Variants in CR1L observed in about 807,000 individuals in gnomAD.
The protein encoded by CR1L is complement C3b/C4b receptor 1 like.
Under a neutral mutation model 62.3 loss-of-function variants are expected in CR1L, and 59 were observed. That is an observed-to-expected ratio of 0.95 (90% CI 0.77 to 1.18). The LOEUF (loss-of-function observed/expected upper bound fraction) is 1.18, where lower values mean the gene tolerates loss of function less well. Among genes scored for constraint, CR1L ranks in the 50% most tolerant of loss-of-function variants. The probability of loss-of-function intolerance (pLI) is 0.00; values close to 1 mark genes in which losing one functional copy is unlikely to be tolerated. For missense variants in CR1L, 700 were observed against 702.8 expected, an observed-to-expected ratio of 1.00 and a Z score of 0.04; for synonymous variants, 279 against 248.7, an observed-to-expected ratio of 1.12 and a Z score of -1.15.
chr1:207,723,488 T>C, intron 11 of CR1L, 130 bp from the exon 12 acceptor site: 1 of 743,456 alleles, frequency 1.3e-6, no homozygotes, highest in Non-Finnish European at 2.1e-6. Flanking sequence ...GTGAAATCAA[T>C]GGCTTTTTAT....
intron 1 of CR1L, among the ~76,000 whole-genome samples, chr1:207,672,939 A>G (rs985798619): frequency 6.6e-6 from 1 of 152,236 alleles, no homozygotes; most frequent in Admixed American, 6.5e-5. Context: ...TCCTACACAG[A>G]AATACTGGGT....
rs368646288 is a variant in CR1L, at chr1:207,717,565, C to A, written c.1516C>A (p.Pro506Thr). 3.7e-5 allele frequency: 59 copies of A among 1,613,702 alleles called. No individual in the cohort carries two copies. The African/African-American group carries it at 6.5e-4, about 18-fold the overall frequency. The change falls in exon 11 of 12, where the codon CCC (proline) becomes ACC (threonine). Residue 506 changes from proline to threonine, a missense_variant. Coordinates refer to ENST00000508064, the MANE Select transcript of CR1L (RefSeq NM_175710.2). ...AAAAGAAGTATCTTACACATGTGAC[C>A]CCCACCCAGACAGAGGGATGACCTT... Reference protein sequence around the residue: ...YGKEVSYTCDPHPDRGMTFNL... With the variant: ...YGKEVSYTCDTHPDRGMTFNL...
In CR1L at chr1:207,682,960, T is replaced by TTTTCTTTCTTTCTTTC. The variant is rs141205339; in HGVS notation, c.378-896_378-881dup. Among the ~76,000 whole-genome samples, 1,088 of 140,164 alleles carry TTTTCTTTCTTTCTTTC rather than the reference T, an allele frequency of 7.8e-3. 18 individuals carry two copies. Among genetic ancestry groups the TTTTCTTTCTTTCTTTC allele is most frequent in the African/African-American group, 0.026 (1,011 of 38,498 alleles). The allele number at this position is 140,164 out of a possible 152,430, so 92.0% of individuals were successfully genotyped here. On this transcript the variant is annotated intron_variant, in intron 3 of 11. Coordinates refer to ENST00000508064, the MANE Select transcript of CR1L (RefSeq NM_175710.2). ...TGCCTTTGGTTCTAGTTATAAATCA[T>TTTTCTTTCTTTCTTTC]TTTCTTTCTTTCTTTCTTTCTTTCT...
At chr1:207,713,717 A>C (rs1653894954) in intron 10 of CR1L, among the ~76,000 whole-genome samples, 1 of 152,242 alleles carries the variant, frequency 6.6e-6, no homozygotes. Flanking sequence ...TGTCACACTG[A>C]AGGGAATGTG....
At chr1:207,699,420 G>A (rs1664158062) in intron 8 of CR1L, 146 bp downstream of exon 8, 7 of 950,126 alleles carry the variant, frequency 7.4e-6, no homozygotes, top group Non-Finnish European at 9.5e-6. Context: ...GTTTGGTTGT[G>A]AATCAATGTG....
chr1:207,716,738 G>C (rs1184946401), intron 10 of CR1L, among the ~76,000 whole-genome samples: 1 of 152,164 alleles, frequency 6.6e-6, no homozygotes, highest in East Asian at 1.9e-4. Context: ...GTTAATCATT[G>C]TTTGATGTAC....
chr1:207,688,326 C>G (rs1410629192), intron 4 of CR1L, among the ~76,000 whole-genome samples: 5 of 152,096 alleles, frequency 3.3e-5, no homozygotes, highest in Admixed American at 1.3e-4. Context: ...TGCACCATGG[C>G]CATAAGTCAG....
intron 1 of CR1L, among the ~76,000 whole-genome samples, chr1:207,670,927 A>T (rs1663606378): frequency 1.3e-5 from 2 of 151,238 alleles, no homozygotes; most frequent in Middle Eastern, 3.4e-3. Context: ...ATGCTTATGG[A>T]TGCTTCCGGT....
chr1:207,678,996 CTTTTTT>C (rs34807467), intron 3 of CR1L, among the ~76,000 whole-genome samples: 1 of 131,178 alleles, frequency 7.6e-6, no homozygotes, highest in Non-Finnish European at 1.6e-5. Flanking sequence ...GTCCAAAGTT[CTTTTTT>C]TTTTTTTTTT....
rs1379869541 is a variant in CR1L, at chr1:207,694,344, C to T, written c.464-9C>T. 2 of 1,613,836 alleles carry T rather than the reference C, an allele frequency of 1.2e-6. No homozygotes were observed. Among genetic ancestry groups the T allele is most frequent in the African/African-American group, 1.3e-5 (1 of 74,924 alleles). ...ATTATTTAAATTGACTGTGCTCTTC[C>T]TTTCCCAGGAATTATTTGTGGGCTA... On this transcript the variant is annotated splice_polypyrimidine_tract_variant and intron_variant, in intron 4 of 11. Transcript: ENST00000508064.
At chr1:207,708,286 A>G (rs1478434399) in intron 10 of CR1L, 23 bp downstream of exon 10, 1 of 1,609,156 alleles carries the variant, frequency 6.2e-7, no homozygotes, top group Non-Finnish European at 8.5e-7. Context: ...CTCTTTCCCC[A>G]TTCACCCCAC....
intron 1 of CR1L, among the ~76,000 whole-genome samples, chr1:207,647,330 T>A (rs1302189309): frequency 6.6e-6 from 1 of 152,184 alleles, no homozygotes; most frequent in African/African-American, 2.4e-5. Flanking sequence ...TGGAACGTTC[T>A]CCCCATGACC....
intron 4 of CR1L, among the ~76,000 whole-genome samples, chr1:207,692,875 C>G (rs1443621082): frequency 6.6e-6 from 1 of 152,112 alleles, no homozygotes; most frequent in Non-Finnish European, 1.5e-5. Context: ...TGAAAACATA[C>G]CCGCATATGA....
intron 5 of CR1L, among the ~76,000 whole-genome samples, chr1:207,697,051 T>C (rs1664109938): frequency 6.6e-6 from 1 of 152,192 alleles, no homozygotes; most frequent in Admixed American, 6.5e-5. Context: ...ACCAGTGTGA[T>C]AGGTGATGGA....
At chr1:207,688,176 T>G (rs1431389486) in intron 4 of CR1L, among the ~76,000 whole-genome samples, 2 of 152,146 alleles carry the variant, frequency 1.3e-5, no homozygotes, top group Non-Finnish European at 2.9e-5. Flanking sequence ...CTTGGGAGCC[T>G]GAGGTGGGAG....
chr1:207,677,447 C>G lies in CR1L; in HGVS notation c.156C>G (p.Asp52Glu), dbSNP rs778860020. 28 of 1,612,618 alleles carry G rather than the reference C, an allele frequency of 1.7e-5. No homozygotes were observed. The highest frequency in any genetic ancestry group is 1.2e-4 in the South Asian group (11 of 91,002). ...PFARPTNLTD[D>E]FEFPIGTYLN... is the part of the protein sequence containing the mutation. ...CCAGGCCTACCAACCTAACTGATGA[C>G]TTTGAGTTTCCCATTGGGACATATC... is the stretch of plus-strand genomic sequence containing the variant. Residue 52 changes from aspartate (D) to glutamate (E), a missense_variant, in exon 2 of 12, where the codon GAC (aspartate) becomes GAG (glutamate). By Grantham distance (45) the Asp-to-Glu change is conservative. Transcript: ENST00000508064.
In CR1L at chr1:207,717,711, T is replaced by C. The variant is rs373579923; in HGVS notation, c.1642+20T>C. The stretch of plus-strand genomic sequence containing the variant: ...GTGCTGGTCAGTATCCGCTTCCACA[T>C]ATCCTAAATGGGTTCAGAATATGTA... On this transcript the variant is annotated intron_variant, in intron 11 of 11. Transcript: ENST00000508064. The C allele has an allele frequency of 5.6e-6, 9 of 1,613,304 alleles. No homozygotes were observed. The highest frequency in any genetic ancestry group is 4.5e-5 in the East Asian group (2 of 44,868).
chr1:207,705,336 A>T (rs1385201239), intron 9 of CR1L, among the ~76,000 whole-genome samples: 1 of 152,158 alleles, frequency 6.6e-6, no homozygotes, highest in Non-Finnish European at 1.5e-5. Context: ...TTCCCAACAT[A>T]TTTGGGGGAG....
intron 10 of CR1L, among the ~76,000 whole-genome samples, chr1:207,716,562 C>A (rs1484469153): frequency 6.6e-6 from 1 of 151,818 alleles, no homozygotes; most frequent in Non-Finnish European, 1.5e-5. Context: ...AAATAACTTA[C>A]AGAAATCAAT....
Sources: allele counts gnomAD v4.1 joint callset (sites outside exome capture counted in the v4.1 genomes callset), GRCh38; gene constraint gnomAD v4.1.1; transcripts MANE v1.5; gene names NCBI Gene and HGNC (gene_info 2026-07-23, HGNC 2026-07-21).